The following KCNH2 variants were observed in gnomAD, a reference collection of about 807,000 sequenced individuals.
The protein encoded by KCNH2 is potassium voltage-gated channel subfamily H member 2.
In KCNH2, 35 loss-of-function variants were observed where a neutral mutation model predicts 95.9. That is an observed-to-expected ratio of 0.37 (90% CI 0.28 to 0.48). The LOEUF is 0.48. Among genes scored for constraint, KCNH2 ranks in the 20% least tolerant of loss-of-function variants. The probability of loss-of-function intolerance (pLI) is 0.99; values close to 1 mark genes in which losing one functional copy is unlikely to be tolerated. For missense variants in KCNH2, 1,274 were observed against 1,702.9 expected, an observed-to-expected ratio of 0.75 and a Z score of 4.43; for synonymous variants, 786 against 754.7, an observed-to-expected ratio of 1.04 and a Z score of -0.68.
At position 150,946,798 on chromosome 7, in the gene KCNH2, A is replaced by G; in HGVS notation, c.3330+79T>C. The stretch of plus-strand genomic sequence containing the variant: ...AGGCTGGGCCACAGAGCCCAGCAGA[A>G]AGGCAGCAAAGCAGGTTTGGGCTGG... On this transcript the variant is annotated intron_variant, in intron 14 of 14. Transcript: ENST00000262186. This position sits in a 1 kb window ranked among gnomAD's most constrained non-coding sequence, Gnocchi z 6.5. The G allele has an allele frequency of 5.1e-6, 7 of 1,360,446 alleles. No individual in the cohort carries two copies. The highest frequency in any genetic ancestry group is 5.1e-6 in the Non-Finnish European group (5 of 976,676). The allele number at this position is 1,360,446 out of a possible 1,614,324, so 84.3% of individuals were successfully genotyped here.
chr7:150,950,881 C>T lies in KCNH2; in HGVS notation c.2145+40G>A, dbSNP rs2072413. 0.26 allele frequency: 419,848 copies of T among 1,599,804 alleles called. 56,872 individuals carry two copies. The highest frequency in any genetic ancestry group is 0.35 in the African/African-American group (26,100 of 74,578). Reference sequence around the variant, plus strand: ...GGTTCCCCTCTGCCACCCCACTCTTCCCAGCCTGCCACCCACTGGCCACGC... The same window carrying T: ...GGTTCCCCTCTGCCACCCCACTCTTTCCAGCCTGCCACCCACTGGCCACGC... On this transcript the variant is annotated intron_variant, in intron 8 of 14. Transcript: ENST00000262186.
At position 150,952,653 on chromosome 7, in the gene KCNH2, G is replaced by A. The variant is rs754215143; in HGVS notation, c.1329C>T (p.Thr443=). 9.9e-6 allele frequency: 16 copies of A among 1,614,080 alleles called. No homozygotes were observed. The highest frequency in any genetic ancestry group is 8.9e-5 in the East Asian group (4 of 44,898). ...LKETEEGPPA[T]ECGYACQPLA... is the part of the protein sequence containing the mutation. Reference sequence around the variant, plus strand: ...GCGGCTGGCAGGCGTAGCCACACTCGGTAGCAGGCGGGCCTTCTTCCGTCT... The same window carrying A: ...GCGGCTGGCAGGCGTAGCCACACTCAGTAGCAGGCGGGCCTTCTTCCGTCT... Residue 443 remains threonine, a synonymous_variant, in exon 6 of 15, where the codon ACC becomes ACT. Transcript: ENST00000262186. This position sits in a 1 kb window ranked among gnomAD's most constrained non-coding sequence, Gnocchi z 7.3.
intron 1 of KCNH2, among the ~76,000 whole-genome samples, chr7:150,976,883 C>A (rs936291662): frequency 6.6e-6 from 1 of 151,858 alleles, no homozygotes; most frequent in African/African-American, 2.4e-5. Flanking sequence ...TACTGACCAT[C>A]GGACTGACCC....
In KCNH2 at chr7:150,978,145, GGC is replaced by G. The variant is rs1802025760; in HGVS notation, c.-234_-233del. ...GCCTGAGCGCGAGCCGCCCGCCGCC[GGC>G]ACACCTGTCTGCCGGCCCCCGCCGA... On this transcript the variant is annotated 5_prime_UTR_variant, in exon 1 of 15. Coordinates refer to ENST00000262186, the MANE Select transcript of KCNH2 (RefSeq NM_000238.4). 6.8e-6 allele frequency: 1 copy of G among 148,062 alleles called. No individual in the cohort carries two copies. The highest frequency in any genetic ancestry group is 2.0e-4 in the South Asian group (1 of 5,086). 9.2% of individuals were successfully genotyped at this position (148,062 alleles called of 1,614,324 possible).
chr7:150,949,368 C>A, intron 9 of KCNH2: 6 of 1,130,294 alleles, frequency 5.3e-6, no homozygotes, highest in East Asian at 4.7e-5. Context: ...CAATGTTCTT[C>A]AAACCAAAGA....
intron 6 of KCNH2, 60 bp from the exon 7 acceptor site, chr7:150,951,895 G>GC: frequency 6.8e-7 from 1 of 1,467,538 alleles, no homozygotes; most frequent in African/African-American, 1.4e-5. Context: ...GGGAGGAGGG[G>GC]AGGTGCTGCG....
At chr7:150,949,342 A>T (rs1274282757) in intron 9 of KCNH2, 1 of 1,318,214 alleles carries the variant, frequency 7.6e-7, no homozygotes, top group Admixed American at 3.3e-5. Context: ...TTAGCCAATC[A>T]CTGCACCCTT....
At chr7:150,954,050 C>T (rs899052145) in intron 5 of KCNH2, among the ~76,000 whole-genome samples, 5 of 152,222 alleles carry the variant, frequency 3.3e-5, no homozygotes, top group East Asian at 3.8e-4. Context: ...GAAGTCAAGA[C>T]GGGTCATAGT....
intron 12 of KCNH2, 22 bp from the exon 13 acceptor site, chr7:150,947,536 G>A: frequency 1.3e-6 from 2 of 1,599,798 alleles, no homozygotes; most frequent in Non-Finnish European, 1.7e-6. Context: ...GAGCAGAGCT[G>A]GGTGAGCGGG....
At chr7:150,967,267 A>G (rs1384244020) in intron 2 of KCNH2, among the ~76,000 whole-genome samples, 1 of 152,214 alleles carries the variant, frequency 6.6e-6, no homozygotes, top group Admixed American at 6.5e-5. Context: ...CAACAGAGTA[A>G]GACTCCATCT....
At chr7:150,977,477 A>C (rs554559769) in intron 1 of KCNH2, among the ~76,000 whole-genome samples, 6 of 151,514 alleles carry the variant, frequency 4.0e-5, no homozygotes, top group Non-Finnish European at 8.8e-5. Context: ...GGTCGTACAC[A>C]CTCTTATGCC....
At chr7:150,959,780 G>T in intron 2 of KCNH2, 44 bp from the exon 3 acceptor site, 2 of 1,612,690 alleles carry the variant, frequency 1.2e-6, no homozygotes, top group Non-Finnish European at 1.7e-6. Flanking sequence ...CCACTCAGTG[G>T]GCAGAGCAGA....
In KCNH2 at chr7:150,945,656, G is replaced by A; in HGVS notation, c.3331-142C>T. ...GGAGAGTCAGGTGGGCAGAGAAGCT[G>A]GAGGGGACAAGAGCCAAGGCAGCGA... On this transcript the variant is annotated intron_variant, in intron 14 of 14. Transcript: ENST00000262186. The surrounding 1 kb of genome is among the most constrained non-coding windows in gnomAD (Gnocchi z 5.6). 1.1e-6 allele frequency: 1 copy of A among 898,412 alleles called. No homozygotes were observed. The highest frequency in any genetic ancestry group is 2.6e-5 in the East Asian group (1 of 37,932). The allele number at this position is 898,412 out of a possible 1,614,324, so 55.7% of individuals were successfully genotyped here.
chr7:150,948,888 A>C lies in KCNH2; in HGVS notation c.2560T>G (p.Ser854Ala). The C allele has an allele frequency of 6.2e-7, 1 of 1,614,192 alleles. No individual in the cohort carries two copies. Among genetic ancestry groups the C allele is most frequent in the South Asian group, 1.1e-5 (1 of 91,076 alleles). ...MYPEFSDHFW[S>A]SLEITFNLRD... Reference sequence around the variant, plus strand: ...AGGTTGAAGGTGATCTCCAGGCTGGACCAGAAGTGGTCGGAGAACTCAGGG... The same window carrying C: ...AGGTTGAAGGTGATCTCCAGGCTGGCCCAGAAGTGGTCGGAGAACTCAGGG... Residue 854 changes from serine (S) to alanine (A), a missense_variant, in exon 10 of 15, where the codon TCC becomes GCC. Physicochemically the swap from Ser to Ala is moderately conservative, Grantham distance 99. This residue lies in a region of KCNH2 where 159 missense variants were observed against 282.5 expected (regional missense o/e 0.56). Transcript: ENST00000262186.
intron 1 of KCNH2, 114 bp downstream of exon 1, chr7:150,977,724 C>T (rs1584885653): frequency 9.2e-6 from 8 of 865,618 alleles, no homozygotes; most frequent in Middle Eastern, 3.5e-4. Flanking sequence ...CACCAGGCCC[C>T]ATTGACTCGC....
chr7:150,955,260 G>A (rs1036539057), intron 5 of KCNH2: 2 of 901,496 alleles, frequency 2.2e-6, no homozygotes, highest in Non-Finnish European at 1.8e-6. Flanking sequence ...GGGTGAGCAG[G>A]GCCAGGCCCC....
rs886039160 is a variant in KCNH2, at chr7:150,958,280, C to G, written c.695G>C (p.Arg232Pro). The G allele has an allele frequency of 3.4e-6, 5 of 1,457,728 alleles. No homozygotes were observed. Among genetic ancestry groups the G allele is most frequent in the African/African-American group, 2.9e-5 (2 of 67,986 alleles). The allele number at this position is 1,457,728 out of a possible 1,614,324, so 90.3% of individuals were successfully genotyped here. Residue 232 changes from arginine (R) to proline (P), a missense_variant, in exon 4 of 15, where the codon CGT becomes CCT. This residue lies in a region of KCNH2 where 392 missense variants were observed against 429.9 expected (regional missense o/e 0.91). Coordinates refer to ENST00000262186, the MANE Select transcript of KCNH2 (RefSeq NM_000238.4). ...CGGAGAGCCGGGACCCACCAGCGCA[C>G]GCCGCTCCTCCGCGGGCCCGAGCCC... ...VAGLGPAEER[R>P]ALVGPGSPPR...
chr7:150,956,559 G>T (rs1468071726), intron 5 of KCNH2, among the ~76,000 whole-genome samples: 3 of 152,206 alleles, frequency 2.0e-5, no homozygotes, highest in African/African-American at 7.2e-5. Flanking sequence ...CCATGGAGGG[G>T]TCGCAGGTCC....
chr7:150,959,790 A>T, intron 2 of KCNH2, 54 bp from the exon 3 acceptor site: 1 of 1,607,646 alleles, frequency 6.2e-7, no homozygotes, highest in East Asian at 2.2e-5. Context: ...GGCAGAGCAG[A>T]AAGCCACGCA....
Sources: gnomAD v4.1 joint callset for allele counts (sites outside exome capture counted in the v4.1 genomes callset) on GRCh38, gnomAD v4.1.1 for gene constraint, gnomAD v4.1.1 regional missense constraint, Gnocchi (gnomAD v3.1) non-coding constraint, MANE v1.5 for transcripts, NCBI Gene and HGNC (gene_info 2026-07-23, HGNC 2026-07-21) for gene names.